Variants in MTTP observed in about 807,000 individuals in gnomAD.
MTTP encodes microsomal triglyceride transfer protein large subunit.
A neutral mutation model predicts 90.6 loss-of-function variants in MTTP; 49 were observed. That is an observed-to-expected ratio of 0.54 (90% CI 0.43 to 0.69). MTTP has a LOEUF of 0.69. Ranked by LOEUF, MTTP falls within the 30% of genes least tolerant of loss-of-function variation. The pLI, the probability that MTTP is intolerant of heterozygous loss-of-function variation, is 0.00. For synonymous variants in MTTP, 347 were observed against 384.2 expected, an observed-to-expected ratio of 0.90 and a Z score of 1.13; for missense variants, 945 against 1,067.5, an observed-to-expected ratio of 0.89 and a Z score of 1.60.
chr4:99,584,648 T>G (rs975494916), intron 3 of MTTP, among the ~76,000 whole-genome samples: 5 of 152,154 alleles, frequency 3.3e-5, no homozygotes, highest in African/African-American at 1.2e-4. Context: ...ACTGCTCACA[T>G]GCCATTTCTG....
At chr4:99,584,172 T>A (rs1725198690) in intron 3 of MTTP, 2 of 152,180 alleles carry the variant, frequency 1.3e-5, no homozygotes. Flanking sequence ...ATGGTCTAAA[T>A]AAATTTGGAA....
chr4:99,618,799 T>A (rs936538774), intron 15 of MTTP, among the ~76,000 whole-genome samples, 175 bp from the exon 16 acceptor site: 3 of 152,214 alleles, frequency 2.0e-5, no homozygotes, highest in African/African-American at 7.2e-5. Flanking sequence ...CAACAGAGTC[T>A]ACTTCCGGTG....
At chr4:99,608,408 G>A (rs1459225665) in intron 11 of MTTP, among the ~76,000 whole-genome samples, 1 of 152,156 alleles carries the variant, frequency 6.6e-6, no homozygotes, top group Non-Finnish European at 1.5e-5. Context: ...TCGTGCCACT[G>A]CACTCCAGCC....
chr4:99,605,035 G>C (rs188180201), intron 10 of MTTP, among the ~76,000 whole-genome samples: 6 of 152,190 alleles, frequency 3.9e-5, no homozygotes, highest in Admixed American at 1.3e-4. Context: ...CAAGTTGATA[G>C]ACATTTAGTT....
chr4:99,605,869 A>ATGTGTGTGTGTGTGTGTGTG lies in MTTP; in HGVS notation c.1345-860_1345-859insGTGTGTGTGTGTGTGTGTGT, dbSNP rs111417359. 7.6e-3 allele frequency among the ~76,000 whole-genome samples: 1,135 copies of ATGTGTGTGTGTGTGTGTGTG among 149,274 alleles called. 24 individuals carry two copies. The highest frequency in any genetic ancestry group is 0.024 in the African/African-American group (979 of 40,140). On this transcript the variant is annotated intron_variant, in intron 10 of 17. Transcript: ENST00000265517. ...TCATCCATTCTCCCCAACCCCATGT[A>ATGTGTGTGTGTGTGTGTGTG]TGTGTGTGTGTGTGTGTGTATGTGT...
intron 10 of MTTP, among the ~76,000 whole-genome samples, chr4:99,606,255 T>C (rs1725814966): frequency 6.6e-6 from 1 of 152,190 alleles, no homozygotes; most frequent in Non-Finnish European, 1.5e-5. Context: ...TTTTGAACTA[T>C]ATTGCAGCAT....
At chr4:99,571,463 A>G (rs762874946), upstream of MTTP, among the ~76,000 whole-genome samples, 3 of 151,942 alleles carry the variant, frequency 2.0e-5, no homozygotes, top group Non-Finnish European at 4.4e-5. Flanking sequence ...GTGTGGTCAA[A>G]GATAATTTAG....
At position 99,591,852 on chromosome 4, in the gene MTTP, T is replaced by A; in HGVS notation, c.758+62T>A. ...TCTTTGTTATATTATTATACTTGAT[T>A]TGTAAATAGATCTGTGTTTGTGTGT... On this transcript the variant is annotated intron_variant, in intron 6 of 17. Transcript: ENST00000265517. 2.1e-6 allele frequency: 3 copies of A among 1,403,160 alleles called. No homozygotes were observed. The South Asian group carries it at 3.6e-5, about 17-fold the overall frequency. 86.9% of individuals were successfully genotyped at this position (1,403,160 alleles called of 1,614,324 possible).
intron 1 of MTTP, chr4:99,564,388 T>C: frequency 1.4e-6 from 1 of 714,514 alleles, no homozygotes; most frequent in Non-Finnish European, 2.1e-6. Flanking sequence ...CCATATCACA[T>C]GATTTTACAT....
chr4:99,604,772 C>T (rs1725773877), intron 10 of MTTP, among the ~76,000 whole-genome samples: 1 of 152,028 alleles, frequency 6.6e-6, no homozygotes. Flanking sequence ...ATTCTATTTT[C>T]CTTCTCCCAC....
At chr4:99,576,627 G>A (rs937527339) in intron 1 of MTTP, among the ~76,000 whole-genome samples, 38 of 146,466 alleles carry the variant, frequency 2.6e-4, no homozygotes, top group African/African-American at 7.6e-4. Flanking sequence ...CCCGGGAGGC[G>A]GAGCTTGCAG....
intron 1 of MTTP, among the ~76,000 whole-genome samples, chr4:99,578,668 G>A (rs990848097): frequency 5.9e-5 from 9 of 152,164 alleles, no homozygotes; most frequent in African/African-American, 2.2e-4. Flanking sequence ...AGTTTGGAAA[G>A]CTTTGGAATT....
rs751960782 is a variant in MTTP, at chr4:99,606,787, G to A, written c.1384G>A (p.Glu462Lys). The change falls in exon 11 of 18, where the codon GAA becomes AAA. Residue 462 changes from glutamate to lysine, a missense_variant. Coordinates refer to ENST00000265517, the MANE Select transcript of MTTP (RefSeq NM_001386140.1). ...EAKKLILGGL[E>K]KAEKKEDTRM... ...TAAGAAGTTAATCCTGGGAGGACTT[G>A]AAAAAGCAGAGAAAAAAGAGGACAC... The A allele has an allele frequency of 2.5e-6, 4 of 1,613,936 alleles. No homozygotes were observed. The highest frequency in any genetic ancestry group is 2.7e-5 in the African/African-American group (2 of 74,998).
At chr4:99,591,614 G>A (rs1725422378) in intron 5 of MTTP, 37 bp from the exon 6 acceptor site, 2 of 1,597,834 alleles carry the variant, frequency 1.3e-6, no homozygotes, top group African/African-American at 2.7e-5. Context: ...TTTAAACGAT[G>A]ATTACTTGTT....
At chr4:99,608,431 C>A (rs112032528) in intron 11 of MTTP, among the ~76,000 whole-genome samples, 1 of 152,038 alleles carries the variant, frequency 6.6e-6, no homozygotes, top group Admixed American at 6.5e-5. Flanking sequence ...GGCAACAAAG[C>A]GAGACTCTGC....
chr4:99,606,635 C>G, intron 10 of MTTP, 113 bp from the exon 11 acceptor site: 1 of 1,055,748 alleles, frequency 9.5e-7, no homozygotes. Context: ...GCAACCAATG[C>G]AAAACTTTGT....
chr4:99,589,515 T>A lies in MTTP; in HGVS notation c.394-128T>A, dbSNP rs146513798. The stretch of plus-strand genomic sequence containing the variant: ...TTTTCACAAAAAGGAAATTCCAGAT[T>A]TGGAGTGTCAGATCTCTTTCTCCCA... On this transcript the variant is annotated intron_variant, in intron 3 of 17. Coordinates refer to ENST00000265517, the MANE Select transcript of MTTP (RefSeq NM_001386140.1). The A allele has an allele frequency of 3.5e-4, 239 of 685,590 alleles. No homozygotes were observed. In the African/African-American group the frequency reaches 3.9e-3, roughly 11 times the overall value. The allele number at this position is 685,590 out of a possible 1,614,324, so 42.5% of individuals were successfully genotyped here.
intron 9 of MTTP, among the ~76,000 whole-genome samples, chr4:99,601,140 T>A (rs1725685932): frequency 6.6e-6 from 1 of 152,184 alleles, no homozygotes; most frequent in Admixed American, 6.6e-5. Context: ...AAGATTTATG[T>A]TGAAAACAAA....
intron 10 of MTTP, among the ~76,000 whole-genome samples, chr4:99,603,978 A>G (rs1443952413): frequency 6.6e-6 from 1 of 152,202 alleles, no homozygotes; most frequent in Non-Finnish European, 1.5e-5. Flanking sequence ...TATCACTGGC[A>G]TTCAATTTTG....
Sources: allele counts gnomAD v4.1 joint callset (sites outside exome capture counted in the v4.1 genomes callset), GRCh38; gene constraint gnomAD v4.1.1; transcripts MANE v1.5; gene names NCBI Gene and HGNC (gene_info 2026-07-23, HGNC 2026-07-21).